Variants in GNB1L observed in about 807,000 individuals in gnomAD.
GNB1L encodes the protein guanine nucleotide-binding protein subunit beta-like protein 1.
A neutral mutation model predicts 29.1 loss-of-function variants in GNB1L; 20 were observed. The ratio of observed to expected loss-of-function variants is 0.69; its 90% confidence interval spans 0.48 to 1.00. The LOEUF is 1.00. Among genes scored for constraint, GNB1L ranks in the 50% least tolerant of loss-of-function variants. The probability of loss-of-function intolerance (pLI) is 0.00; values close to 1 mark genes in which losing one functional copy is unlikely to be tolerated. For missense variants in GNB1L, 421 were observed against 464.9 expected (o/e 0.91, Z 0.87); for synonymous variants, 193 against 206.5 (o/e 0.93, Z 0.56).
At chr22:19,846,590 T>A (rs1569055912) in intron 2 of GNB1L, 1 of 981,768 alleles carries the variant, frequency 1.0e-6, no homozygotes, top group South Asian at 4.7e-5. Context: ...CAGAACTATG[T>A]CCCTTCAATA....
At chr22:19,836,800 A>G (rs1006776762) in intron 2 of GNB1L, among the ~76,000 whole-genome samples, 2 of 152,204 alleles carry the variant, frequency 1.3e-5, no homozygotes, top group Non-Finnish European at 2.9e-5. Context: ...TCTCATGTTA[A>G]CACTAAAGAA....
chr22:19,807,069 C>T (rs906909425), intron 5 of GNB1L, among the ~76,000 whole-genome samples: 3 of 152,116 alleles, frequency 2.0e-5, no homozygotes, highest in South Asian at 2.1e-4. Context: ...GTAGGCTTTA[C>T]ATACGAACCA....
At chr22:19,835,272 G>C (rs1937743817) in intron 2 of GNB1L, among the ~76,000 whole-genome samples, 1 of 151,354 alleles carries the variant, frequency 6.6e-6, no homozygotes, top group African/African-American at 2.4e-5. Context: ...GACATTTATA[G>C]AACATGCCGC....
At chr22:19,817,638 T>C (rs774315480) in intron 4 of GNB1L, among the ~76,000 whole-genome samples, 1 of 152,102 alleles carries the variant, frequency 6.6e-6, no homozygotes, top group East Asian at 1.9e-4. Context: ...GCAGACAAAA[T>C]AGTCTATGCT....
intron 5 of GNB1L, among the ~76,000 whole-genome samples, chr22:19,807,424 C>T (rs1308719497): frequency 6.6e-6 from 1 of 152,158 alleles, no homozygotes; most frequent in Non-Finnish European, 1.5e-5. Context: ...CCAGGTCCGC[C>T]TGCACCCTCT....
chr22:19,823,582 C>T (rs1569048363), intron 2 of GNB1L, among the ~76,000 whole-genome samples: 2 of 152,190 alleles, frequency 1.3e-5, no homozygotes, highest in African/African-American at 2.4e-5. Context: ...AGGAAAGCAC[C>T]GAGTCCAGGA....
At chr22:19,793,388 C>T (rs188911685) in intron 7 of GNB1L, among the ~76,000 whole-genome samples, 41 of 152,056 alleles carry the variant, frequency 2.7e-4, no homozygotes, top group African/African-American at 9.2e-4. Flanking sequence ...CAGACATTGC[C>T]CAATCTGAAG....
At chr22:19,798,062 A>G (rs1937327533) in intron 7 of GNB1L, among the ~76,000 whole-genome samples, 1 of 152,118 alleles carries the variant, frequency 6.6e-6, no homozygotes, top group South Asian at 2.1e-4. Context: ...CAGTGTCCAG[A>G]GCACCCGGCC....
chr22:19,799,379 C>T (rs955645129), intron 7 of GNB1L, among the ~76,000 whole-genome samples: 1 of 152,212 alleles, frequency 6.6e-6, no homozygotes, highest in African/African-American at 2.4e-5. Flanking sequence ...CACTTGACCC[C>T]GAGGCACCCT....
At chr22:19,789,736 C>G (rs1262331779) in intron 7 of GNB1L, among the ~76,000 whole-genome samples, 1 of 151,602 alleles carries the variant, frequency 6.6e-6, no homozygotes, top group Non-Finnish European at 1.5e-5. Flanking sequence ...ATCCCAACTA[C>G]TCGGGAGGAG....
intron 5 of GNB1L, among the ~76,000 whole-genome samples, chr22:19,807,948 G>C (rs986096350): frequency 6.6e-6 from 1 of 152,198 alleles, no homozygotes; most frequent in Non-Finnish European, 1.5e-5. Flanking sequence ...CCCACAGCCC[G>C]GTCCTTCCAG....
intron 2 of GNB1L, chr22:19,850,804 C>T: frequency 7.7e-7 from 1 of 1,293,110 alleles, no homozygotes; most frequent in Non-Finnish European, 9.8e-7. Context: ...GTGGAAGACA[C>T]CAAGGGGGGT....
At chr22:19,812,236 G>A (rs1937507710) in intron 5 of GNB1L, 49 bp downstream of exon 5, 3 of 1,581,270 alleles carry the variant, frequency 1.9e-6, no homozygotes, top group Non-Finnish European at 1.7e-6. Context: ...TGCAGAGGAT[G>A]AGCACAACTG....
At position 19,847,771 on chromosome 22, in the gene GNB1L, C is replaced by T. The variant is rs548280989; in HGVS notation, c.-21+6672G>A. 21 of 759,874 alleles carry T rather than the reference C, an allele frequency of 2.8e-5. No individual in the cohort carries two copies. The South Asian group carries it at 1.1e-3, about 42-fold the overall frequency. 47.1% of individuals were successfully genotyped at this position (759,874 alleles called of 1,614,324 possible). ...TTCTCCATACCTCCACAACTCTGGG[C>T]ATCTAAAACTTTTAAAATCCTGGAA... On this transcript the variant is annotated intron_variant, in intron 2 of 7. Transcript: ENST00000329517.
At chr22:19,846,373 A>C (rs1937960690) in intron 2 of GNB1L, 3 of 972,494 alleles carry the variant, frequency 3.1e-6, no homozygotes, top group Non-Finnish European at 3.7e-6. Context: ...CTTAAGTGAG[A>C]AACAGCATCC....
intron 2 of GNB1L, chr22:19,852,170 T>C (rs1189640597): frequency 6.2e-7 from 1 of 1,614,052 alleles, no homozygotes; most frequent in South Asian, 1.1e-5. Context: ...AGACGCCTTG[T>C]CCATCTGCTG....
At chr22:19,847,124 T>C (rs769973050) in intron 2 of GNB1L, 160 of 985,452 alleles carry the variant, frequency 1.6e-4, no homozygotes, top group Non-Finnish European at 1.9e-4. Flanking sequence ...TGACACACAT[T>C]ACTTGTGGCC....
intron 7 of GNB1L, chr22:19,792,631 G>C: frequency 5.0e-6 from 8 of 1,590,082 alleles, no homozygotes; most frequent in Non-Finnish European, 6.9e-6. Flanking sequence ...AAGAAGCAGA[G>C]ACTGTTGGCC....
chr22:19,844,623 G>T (rs1359672130), intron 2 of GNB1L, among the ~76,000 whole-genome samples: 4 of 152,344 alleles, frequency 2.6e-5, no homozygotes, highest in East Asian at 3.9e-4. Context: ...AGGCAGGATG[G>T]GCAGGCGGGG....
Sources: gnomAD v4.1 joint callset for allele counts (sites outside exome capture counted in the v4.1 genomes callset) on GRCh38, gnomAD v4.1.1 for gene constraint, MANE v1.5 for transcripts, NCBI Gene and HGNC (gene_info 2026-07-23, HGNC 2026-07-21) for gene names.